Variants in PCDH11X observed in about 807,000 individuals in gnomAD.
PCDH11X encodes the protein protocadherin-11 X-linked.
A neutral mutation model predicts 53.3 loss-of-function variants in PCDH11X; 18 were observed. The ratio of observed to expected loss-of-function variants is 0.34; its 90% confidence interval spans 0.23 to 0.50. PCDH11X has a LOEUF of 0.50. Among genes scored for constraint, PCDH11X ranks in the 20% least tolerant of loss-of-function variants. The probability of loss-of-function intolerance (pLI) is 0.98; values close to 1 mark genes in which losing one functional copy is unlikely to be tolerated. For missense variants in PCDH11X, 570 were observed against 1,032.4 expected (o/e 0.55, Z 6.14); for synonymous variants, 279 against 393.3 (o/e 0.71, Z 3.44).
intron 6 of PCDH11X, among the ~76,000 whole-genome samples, chrX:92,121,787 G>A (rs1251818162): frequency 1.1e-4 from 12 of 108,686 alleles, no homozygotes; most frequent in Non-Finnish European, 1.9e-4. Context: ...GTACAGTGGC[G>A]CGATCTCGGC....
At chrX:92,212,902 T>G (rs2075054898) in intron 7 of PCDH11X, among the ~76,000 whole-genome samples, 1 of 112,522 alleles carries the variant, frequency 8.9e-6, no homozygotes, top group Admixed American at 9.4e-5. Flanking sequence ...GTTCAGAATG[T>G]GTTTCTTTGG....
At chrX:92,215,416 G>C (rs1212150278) in intron 7 of PCDH11X, among the ~76,000 whole-genome samples, 4 of 103,960 alleles carry the variant, frequency 3.8e-5, no homozygotes, top group African/African-American at 1.4e-4. Context: ...CACCTGGCTC[G>C]GAAGGTCCTA....
chrX:92,343,117 G>A (rs1415433558), intron 8 of PCDH11X, among the ~76,000 whole-genome samples: 2 of 111,991 alleles, frequency 1.8e-5, no homozygotes, highest in Non-Finnish European at 3.8e-5. Flanking sequence ...TCAAATAGCT[G>A]TCTCATTTTA....
chrX:92,348,905 G>C (rs1477751700), intron 8 of PCDH11X, among the ~76,000 whole-genome samples: 1 of 104,099 alleles, frequency 9.6e-6, no homozygotes, highest in African/African-American at 3.5e-5. Flanking sequence ...CTGGCTTCCT[G>C]ACAGCAGTCA....
At chrX:92,108,769 G>A (rs1163917966) in intron 6 of PCDH11X, among the ~76,000 whole-genome samples, 3 of 111,834 alleles carry the variant, frequency 2.7e-5, no homozygotes, top group South Asian at 7.4e-4. Context: ...TTGATAAGCC[G>A]TAAGAGGTAG....
intron 10 of PCDH11X, among the ~76,000 whole-genome samples, chrX:92,616,650 A>G (rs113785305): frequency 0.019 from 2,091 of 110,639 alleles, 28 homozygotes; most frequent in Middle Eastern, 0.081. Context: ...AAATCTTGAA[A>G]TCAGATCATG....
At chrX:91,798,988 T>C (rs746705667) in intron 1 of PCDH11X, among the ~76,000 whole-genome samples, 1 of 111,180 alleles carries the variant, frequency 9.0e-6, no homozygotes, top group Non-Finnish European at 1.9e-5. Context: ...CAAAACATAC[T>C]TTTAGAAATG....
chrX:91,834,159 C>T (rs1937212422), intron 4 of PCDH11X, among the ~76,000 whole-genome samples: 1 of 110,230 alleles, frequency 9.1e-6, no homozygotes, highest in South Asian at 3.8e-4. Context: ...AAATACTATC[C>T]AGAAGAAGCA....
chrX:91,817,870 AC>A (rs1936503484), intron 4 of PCDH11X, among the ~76,000 whole-genome samples: 1 of 111,548 alleles, frequency 9.0e-6, no homozygotes, highest in Non-Finnish European at 1.9e-5. Context: ...CATGAAGAGC[AC>A]TGGTCTTTAT....
chrX:91,887,773 A>T (rs1210815380), intron 6 of PCDH11X, among the ~76,000 whole-genome samples: 5 of 110,522 alleles, frequency 4.5e-5, no homozygotes, highest in Non-Finnish European at 9.5e-5. Context: ...TTGAAGACTG[A>T]TTTATTTATT....
At chrX:92,045,056 T>C in intron 6 of PCDH11X, among the ~76,000 whole-genome samples, 1 of 85,349 alleles carries the variant, frequency 1.2e-5, no homozygotes, top group South Asian at 5.5e-4. Context: ...AGCTTTAAAT[T>C]AAATCTTGAT....
intron 8 of PCDH11X, among the ~76,000 whole-genome samples, chrX:92,327,364 C>CA (rs2069362832): frequency 1.1e-5 from 1 of 93,158 alleles, no homozygotes; most frequent in African/African-American, 4.1e-5. Flanking sequence ...TGATTACTGC[C>CA]AAAATCTCTT....
chrX:92,008,111 G>A (rs747146938), intron 6 of PCDH11X, among the ~76,000 whole-genome samples: 2 of 111,231 alleles, frequency 1.8e-5, no homozygotes, highest in South Asian at 3.9e-4. Context: ...TGCAGCCTGG[G>A]GTTAGGGTAG....
intron 6 of PCDH11X, among the ~76,000 whole-genome samples, chrX:91,920,208 C>T (rs1235405650): frequency 9.0e-6 from 1 of 111,112 alleles, no homozygotes; most frequent in African/African-American, 3.3e-5. Context: ...TGTTAGAGCA[C>T]AGAACGATTA....
intron 8 of PCDH11X, among the ~76,000 whole-genome samples, chrX:92,268,282 G>A (rs1422666104): frequency 9.7e-6 from 1 of 102,713 alleles, no homozygotes; most frequent in African/African-American, 3.9e-5. Context: ...ATTCAGTTTA[G>A]TGTTATTAGT....
chrX:92,620,679 G>A lies in PCDH11X; in HGVS notation c.*1739G>A, dbSNP rs1164564587. On this transcript the variant is annotated 3_prime_UTR_variant, in exon 11 of 11. Transcript: ENST00000682573. Reference sequence around the variant, plus strand: ...TCATGTGCCCAGCAGGTTAAGTAGCGTTTTCAGAATATACATTATTCCCAT... The same window carrying A: ...TCATGTGCCCAGCAGGTTAAGTAGCATTTTCAGAATATACATTATTCCCAT... 2.7e-5 allele frequency: 3 copies of A among 110,975 alleles called. No homozygotes were observed. The highest frequency in any genetic ancestry group is 6.6e-5 in the African/African-American group (2 of 30,314). 9.1% of individuals were successfully genotyped at this position (110,975 alleles called of 1,213,427 possible).
chrX:92,069,403 G>A (rs747010712), intron 6 of PCDH11X, among the ~76,000 whole-genome samples: 2 of 109,734 alleles, frequency 1.8e-5, no homozygotes, highest in East Asian at 2.9e-4. Context: ...AGGTCATTGG[G>A]TCTTCTTTTG....
chrX:92,085,027 A>G (rs1360646221), intron 6 of PCDH11X, among the ~76,000 whole-genome samples: 4 of 110,662 alleles, frequency 3.6e-5, no homozygotes, highest in Non-Finnish European at 7.5e-5. Context: ...CAGCAAGTTC[A>G]TGAATGAGGC....
At chrX:91,921,852 T>C (rs2147820744) in intron 6 of PCDH11X, among the ~76,000 whole-genome samples, 1 of 110,846 alleles carries the variant, frequency 9.0e-6, no homozygotes, top group African/African-American at 3.3e-5. Flanking sequence ...GCCTTATGGT[T>C]AATAGTATAT....
Sources: allele counts gnomAD v4.1 joint callset (sites outside exome capture counted in the v4.1 genomes callset), GRCh38; gene constraint gnomAD v4.1.1; transcripts MANE v1.5; gene names NCBI Gene and HGNC (gene_info 2026-07-23, HGNC 2026-07-21).